The following MAML3 variants were observed in gnomAD, a reference collection of about 807,000 sequenced individuals.
MAML3 encodes the protein mastermind-like protein 3.
A neutral mutation model predicts 101.9 loss-of-function variants in MAML3; 27 were observed. The observed-to-expected ratio is 0.27, with a 90% CI of 0.20 to 0.37. The LOEUF (loss-of-function observed/expected upper bound fraction) is 0.37, where lower values mean the gene tolerates loss of function less well. Ranked by LOEUF, MAML3 falls within the 10% of genes least tolerant of loss-of-function variation. The probability of loss-of-function intolerance (pLI) is 1.00; values close to 1 mark genes in which losing one functional copy is unlikely to be tolerated. For synonymous variants in MAML3, 501 were observed against 555.9 expected (o/e 0.90, Z 1.39); for missense variants, 1,316 against 1,444.9 (o/e 0.91, Z 1.45).
At position 139,890,664 on chromosome 4, in the gene MAML3, C is replaced by T. The variant is rs541519884; in HGVS notation, c.772G>A (p.Gly258Ser). ...RLPEIKLPVN[G>S]CSDLEDSFTI... ...AAGCTATCCTCCAGGTCACTGCAAC[C>T]GTTGACAGGAAGTTTAATCTCAGGG... The change falls in exon 2 of 5, where the codon GGT becomes AGT. Residue 258 changes from glycine to serine, a missense_variant. Coordinates refer to ENST00000509479, the MANE Select transcript of MAML3 (RefSeq NM_018717.5). This position sits in a 1 kb window ranked among gnomAD's most constrained non-coding sequence, Gnocchi z 4.1. 15 of 1,613,950 alleles carry T rather than the reference C, an allele frequency of 9.3e-6. No homozygotes were observed. The highest frequency in any genetic ancestry group is 6.7e-5 in the African/African-American group (5 of 75,046).
At chr4:139,892,449 C>T (rs960016301) in intron 1 of MAML3, among the ~76,000 whole-genome samples, 4 of 152,120 alleles carry the variant, frequency 2.6e-5, no homozygotes, top group Non-Finnish European at 2.9e-5. Flanking sequence ...CTGTTACTGT[C>T]CTTGGCCAGG....
At chr4:140,129,985 A>G (rs953054535) in intron 1 of MAML3, among the ~76,000 whole-genome samples, 1 of 152,002 alleles carries the variant, frequency 6.6e-6, no homozygotes, top group African/African-American at 2.4e-5. Flanking sequence ...AAAAAGAATC[A>G]AAACAAAACA....
At chr4:139,769,916 CTTT>C (rs139445743) in intron 2 of MAML3, among the ~76,000 whole-genome samples, 362 of 132,238 alleles carry the variant, frequency 2.7e-3, no homozygotes, top group Middle Eastern at 4.0e-3. Context: ...CGCCCAGCCT[CTTT>C]TTTTTTTTTT....
chr4:140,039,659 T>C (rs115462775), intron 1 of MAML3, among the ~76,000 whole-genome samples: 28 of 152,274 alleles, frequency 1.8e-4, no homozygotes, highest in African/African-American at 6.7e-4. Context: ...CTGTATTTCA[T>C]ACTGCCCTGC....
At chr4:139,883,004 G>A (rs1200602782) in intron 2 of MAML3, among the ~76,000 whole-genome samples, 1 of 152,146 alleles carries the variant, frequency 6.6e-6, no homozygotes, top group Non-Finnish European at 1.5e-5. Flanking sequence ...AAACTATGAG[G>A]ACTTCCACCA....
intron 2 of MAML3, among the ~76,000 whole-genome samples, chr4:139,780,601 C>T (rs892963864): frequency 4.0e-5 from 6 of 150,644 alleles, no homozygotes; most frequent in African/African-American, 7.3e-5. Context: ...GTGCATGGGT[C>T]GCCCATTTCT....
Position 140,117,649 on chromosome 4 carries a change from G to GTA in MAML3, c.468+35209_468+35210dup, listed in dbSNP as rs57634970. Among the ~76,000 whole-genome samples, 520 of 148,494 alleles carry GTA rather than the reference G, an allele frequency of 3.5e-3. 1 individual carries two copies. The highest frequency in any genetic ancestry group is 0.011 in the African/African-American group (442 of 40,498). ...TATGTATGTATGTATGTGTATACAG[G>GTA]TATATATATATATACACATATATAC... is the stretch of plus-strand genomic sequence containing the variant. On this transcript the variant is annotated intron_variant, in intron 1 of 4. Transcript: ENST00000509479.
intron 2 of MAML3, among the ~76,000 whole-genome samples, chr4:139,755,301 G>A (rs1439076809): frequency 6.6e-6 from 1 of 152,222 alleles, no homozygotes; most frequent in African/African-American, 2.4e-5. Context: ...TCGGCAATGT[G>A]GATTTAAGAA....
chr4:139,830,410 A>ATTTTTTTTTTTTTTTTTTTTTTTTTTT (rs1157293904), intron 2 of MAML3, among the ~76,000 whole-genome samples: 2 of 121,304 alleles, frequency 1.6e-5, no homozygotes, highest in African/African-American at 7.7e-5. Context: ...ACGCTGTGCT[A>ATTTTTTTTTTTTTTTTTTTTTTTTTTT]TTTTTTTTTT....
chr4:139,992,716 C>T (rs1343893015), intron 1 of MAML3, among the ~76,000 whole-genome samples: 15 of 152,092 alleles, frequency 9.9e-5, no homozygotes, highest in African/African-American at 2.4e-5. Flanking sequence ...CACCACCATG[C>T]CCAGCTAATT....
intron 1 of MAML3, among the ~76,000 whole-genome samples, chr4:139,907,812 A>T (rs1428633390): frequency 1.3e-5 from 2 of 152,224 alleles, no homozygotes; most frequent in Non-Finnish European, 2.9e-5. Context: ...CAACTTGGCT[A>T]ACTTATACAA....
rs541495628 is a variant in MAML3, at chr4:139,808,883, G to C, written c.2080-78216C>G. ...TGAGACAAGGGGTGTGCGTGTGGGT[G>C]AATGTACACATGTGTGAGACCAGCT... On this transcript the variant is annotated intron_variant, in intron 2 of 4. Transcript: ENST00000509479. 2.0e-5 allele frequency among the ~76,000 whole-genome samples: 3 copies of C among 152,318 alleles called. No individual in the cohort carries two copies. The East Asian group carries it at 5.8e-4, about 29-fold the overall frequency.
At chr4:139,854,492 G>A (rs1731619931) in intron 2 of MAML3, among the ~76,000 whole-genome samples, 1 of 149,816 alleles carries the variant, frequency 6.7e-6, no homozygotes, top group Non-Finnish European at 1.5e-5. Flanking sequence ...GACTGGATGT[G>A]CTCTCAGGGC....
chr4:140,133,243 C>G (rs183899148), intron 1 of MAML3: 4 of 336,422 alleles, frequency 1.2e-5, no homozygotes, highest in South Asian at 2.4e-5. Flanking sequence ...TTTCCTGAAC[C>G]TAAAACTACA....
chr4:139,960,236 A>G (rs921018110), intron 1 of MAML3, among the ~76,000 whole-genome samples: 2 of 152,236 alleles, frequency 1.3e-5, no homozygotes, highest in African/African-American at 2.4e-5. Context: ...GATCATCTCA[A>G]TAGAAAATTC....
At chr4:139,846,568 G>A (rs999425462) in intron 2 of MAML3, among the ~76,000 whole-genome samples, 2 of 152,054 alleles carry the variant, frequency 1.3e-5, no homozygotes, top group South Asian at 2.1e-4. Flanking sequence ...GATTGGTCTC[G>A]AACTCCTGGG....
intron 1 of MAML3, among the ~76,000 whole-genome samples, chr4:139,975,397 A>G (rs1734311254): frequency 6.6e-6 from 1 of 152,142 alleles, no homozygotes; most frequent in Non-Finnish European, 1.5e-5. Flanking sequence ...CTAAAATTGC[A>G]GCCTACCCTT....
intron 1 of MAML3, among the ~76,000 whole-genome samples, chr4:140,076,722 T>C (rs1727773335): frequency 6.6e-6 from 1 of 152,244 alleles, no homozygotes; most frequent in South Asian, 2.1e-4. Flanking sequence ...CTGCATCTTT[T>C]CTGTCCCTTC....
In MAML3 at chr4:139,861,462, A is replaced by T. The variant is rs76272791; in HGVS notation, c.2079+27895T>A. Among the ~76,000 whole-genome samples, 83 of 136,904 alleles carry T rather than the reference A, an allele frequency of 6.1e-4. No individual in the cohort carries two copies. In the East Asian group the frequency reaches 0.011, roughly 18 times the overall value. The allele number at this position is 136,904 out of a possible 152,430, so 89.8% of individuals were successfully genotyped here. A position where few individuals can be genotyped will look rare whatever the true frequency, so the allele number is the denominator to read the frequency against. On this transcript the variant is annotated intron_variant, in intron 2 of 4. Coordinates refer to ENST00000509479, the MANE Select transcript of MAML3 (RefSeq NM_018717.5). ...TGTGTAAGGGTACTAAGATGTATGAATGTCTAACCAGCCGATGTGTGTGTG... is the reference window on the plus strand; with the variant it reads ...TGTGTAAGGGTACTAAGATGTATGATTGTCTAACCAGCCGATGTGTGTGTG...
Sources: gnomAD v4.1 joint callset for allele counts (sites outside exome capture counted in the v4.1 genomes callset) on GRCh38, gnomAD v4.1.1 for gene constraint, Gnocchi (gnomAD v3.1) non-coding constraint, MANE v1.5 for transcripts, NCBI Gene and HGNC (gene_info 2026-07-23, HGNC 2026-07-21) for gene names.